Variants in MTHFD2L observed in about 807,000 individuals in gnomAD.
MTHFD2L encodes the protein bifunctional methylenetetrahydrofolate dehydrogenase/cyclohydrolase 2, mitochondrial.
A neutral mutation model predicts 34.9 loss-of-function variants in MTHFD2L; 29 were observed. The observed-to-expected ratio is 0.83, with a 90% CI of 0.62 to 1.13. The LOEUF (loss-of-function observed/expected upper bound fraction) is 1.13, where lower values mean the gene tolerates loss of function less well. MTHFD2L is among the 50% of genes most tolerant of loss of function. The pLI, the probability that MTHFD2L is intolerant of heterozygous loss-of-function variation, is 0.00. For missense variants in MTHFD2L, 481 were observed against 446.5 expected, an observed-to-expected ratio of 1.08 and a Z score of -0.70; for synonymous variants, 167 against 155.7, an observed-to-expected ratio of 1.07 and a Z score of -0.54.
At chr4:74,287,175 A>G (rs1223362813) in intron 7 of MTHFD2L, among the ~76,000 whole-genome samples, 1 of 152,206 alleles carries the variant, frequency 6.6e-6, no homozygotes, top group African/African-American at 2.4e-5. Flanking sequence ...AACTGACATT[A>G]TCATTGTATT....
At chr4:74,255,968 A>G (rs149240735) in intron 6 of MTHFD2L, among the ~76,000 whole-genome samples, 2 of 152,274 alleles carry the variant, frequency 1.3e-5, no homozygotes, top group Admixed American at 6.5e-5. Context: ...ATATGAGTAT[A>G]TGTCTTTTTA....
intron 6 of MTHFD2L, among the ~76,000 whole-genome samples, chr4:74,249,770 G>A (rs527509437): frequency 1.3e-5 from 2 of 152,178 alleles, no homozygotes; most frequent in East Asian, 1.9e-4. Flanking sequence ...GAAATTCTGG[G>A]TTGAAAATTC....
Position 74,128,723 on chromosome 4 carries a change from G to A in MTHFD2L, c.-297+3206G>A, listed in dbSNP as rs140066082. Among the ~76,000 whole-genome samples, 268 of 152,102 alleles carry A rather than the reference G, an allele frequency of 1.8e-3. 2 individuals carry two copies. The highest frequency in any genetic ancestry group is 6.0e-3 in the African/African-American group (248 of 41,538). Reference sequence around the variant, plus strand: ...GGAATTTTTTAGTGTGTGGTTCTATGTAAATTTGAGAATTTTTTTCTATTT... The same window carrying A: ...GGAATTTTTTAGTGTGTGGTTCTATATAAATTTGAGAATTTTTTTCTATTT... On this transcript the variant is annotated intron_variant, in intron 1 of 7. Coordinates refer to the MTHFD2L transcript ENST00000433372.
chr4:74,246,289 T>C (rs1278926198), intron 6 of MTHFD2L, among the ~76,000 whole-genome samples: 1 of 152,000 alleles, frequency 6.6e-6, no homozygotes, highest in Admixed American at 6.6e-5. Flanking sequence ...TTGAGAAGTG[T>C]CTGTTCATGT....
intron 6 of MTHFD2L, among the ~76,000 whole-genome samples, chr4:74,237,214 A>G (rs1252347271): frequency 6.6e-6 from 1 of 152,164 alleles, no homozygotes; most frequent in Admixed American, 6.6e-5. Context: ...ACAGCACTGG[A>G]GTGAAATCCA....
intron 5 of MTHFD2L, among the ~76,000 whole-genome samples, chr4:74,217,167 C>A (rs1036778412): frequency 6.6e-6 from 1 of 151,764 alleles, no homozygotes; most frequent in Non-Finnish European, 1.5e-5. Context: ...ACCTGGTTTC[C>A]TTTCTTCCTG....
At chr4:74,157,616 A>G (rs1439735992), upstream of MTHFD2L, 1 of 455,676 alleles carries the variant, frequency 2.2e-6, no homozygotes, top group African/African-American at 2.0e-5. Context: ...TTGTTCAGCC[A>G]GGTTTTGCTC....
At chr4:74,247,454 A>G (rs890659001) in intron 6 of MTHFD2L, among the ~76,000 whole-genome samples, 10 of 151,894 alleles carry the variant, frequency 6.6e-5, no homozygotes, top group African/African-American at 2.4e-4. Flanking sequence ...CTCTTTTCCT[A>G]ATTGAATGCC....
At chr4:74,133,822 TAG>T (rs544089874) in intron 1 of MTHFD2L, among the ~76,000 whole-genome samples, 190 of 152,188 alleles carry the variant, frequency 1.2e-3, no homozygotes, top group African/African-American at 4.3e-3. Context: ...AATGGCAGCA[TAG>T]AAGCAAGCTT....
intron 1 of MTHFD2L, among the ~76,000 whole-genome samples, chr4:74,126,574 G>T (rs961387686): frequency 6.6e-6 from 1 of 151,512 alleles, no homozygotes. Flanking sequence ...TGTGTGTGTG[G>T]CCATAGACGT....
intron 6 of MTHFD2L, among the ~76,000 whole-genome samples, chr4:74,229,687 G>C (rs1337072730): frequency 2.0e-5 from 3 of 152,054 alleles, no homozygotes; most frequent in Admixed American, 2.0e-4. Context: ...TACTCCTACT[G>C]GCTTATATAT....
At chr4:74,163,110 T>A (rs1032704931) in intron 1 of MTHFD2L, among the ~76,000 whole-genome samples, 8 of 152,106 alleles carry the variant, frequency 5.3e-5, no homozygotes, top group African/African-American at 1.9e-4. Flanking sequence ...TGGCAACAAA[T>A]ACATAATATC....
chr4:74,176,168 G>C (rs1257607058), intron 3 of MTHFD2L, among the ~76,000 whole-genome samples: 1 of 151,936 alleles, frequency 6.6e-6, no homozygotes, highest in Non-Finnish European at 1.5e-5. Context: ...TTGTGTGATG[G>C]ATTCACCCTC....
intron 6 of MTHFD2L, chr4:74,241,625 G>T: frequency 2.3e-6 from 1 of 437,556 alleles, no homozygotes; most frequent in Non-Finnish European, 4.6e-6. Context: ...CGATCCACCT[G>T]CCTCAGCTTC....
intron 2 of MTHFD2L, among the ~76,000 whole-genome samples, chr4:74,118,171 T>G (rs566490863): frequency 6.6e-6 from 1 of 152,284 alleles, no homozygotes; most frequent in East Asian, 1.9e-4. Context: ...TTAAGCTTAG[T>G]AAAATATCAA....
intron 6 of MTHFD2L, among the ~76,000 whole-genome samples, chr4:74,234,101 TA>T (rs1339870208): frequency 6.6e-6 from 1 of 152,102 alleles, no homozygotes; most frequent in Admixed American, 6.6e-5. Context: ...ATACATCATT[TA>T]AACTTAATTC....
intron 6 of MTHFD2L, among the ~76,000 whole-genome samples, chr4:74,254,482 T>TG (rs1426657382): frequency 6.6e-6 from 1 of 152,006 alleles, no homozygotes; most frequent in African/African-American, 2.4e-5. Context: ...TCATGGTATA[T>TG]TCAAAGTGCT....
intron 6 of MTHFD2L, among the ~76,000 whole-genome samples, chr4:74,261,498 GT>G (rs1001210684): frequency 3.3e-5 from 5 of 152,002 alleles, no homozygotes; most frequent in Non-Finnish European, 7.4e-5. Context: ...TCTAACCCAT[GT>G]TTTTGCGTGG....
intron 1 of MTHFD2L, among the ~76,000 whole-genome samples, chr4:74,147,881 G>A (rs1432796071): frequency 6.6e-6 from 1 of 152,000 alleles, no homozygotes; most frequent in Non-Finnish European, 1.5e-5. Context: ...AGCTATAGGA[G>A]TTTTCTTTTT....
Sources: allele counts gnomAD v4.1 joint callset (sites outside exome capture counted in the v4.1 genomes callset), GRCh38; gene constraint gnomAD v4.1.1; transcripts MANE v1.5; gene names NCBI Gene and HGNC (gene_info 2026-07-23, HGNC 2026-07-21).